DYRK1A: variants seen among roughly 807,000 people sequenced by gnomAD.
The protein encoded by DYRK1A is dual specificity tyrosine phosphorylation regulated kinase 1A.
DYRK1A carries 9 observed loss-of-function variants against 79.7 expected under a neutral mutation model. The observed-to-expected ratio is 0.11, with a 90% CI of 0.07 to 0.20. The LOEUF (loss-of-function observed/expected upper bound fraction) is 0.20, where lower values mean the gene tolerates loss of function less well. Ranked by LOEUF, DYRK1A falls within the 10% of genes least tolerant of loss-of-function variation. The pLI is 1.00. For missense variants in DYRK1A, 622 were observed against 956.0 expected (o/e 0.65, Z 4.61); for synonymous variants, 349 against 329.7 (o/e 1.06, Z -0.63).
intron 5 of DYRK1A, among the ~76,000 whole-genome samples, chr21:37,485,018 G>A (rs1011327364): frequency 4.6e-5 from 7 of 152,030 alleles, no homozygotes; most frequent in African/African-American, 1.7e-4. Context: ...CTCCATTTCC[G>A]TAGCCAATAC....
chr21:37,387,720 TC>T (rs1233177256), intron 1 of DYRK1A, among the ~76,000 whole-genome samples: 1 of 152,302 alleles, frequency 6.6e-6, no homozygotes, highest in Admixed American at 6.5e-5. Context: ...TTTCAATACT[TC>T]CTGAGAAAAG....
At chr21:37,376,455 G>GC (rs1183315424) in intron 1 of DYRK1A, among the ~76,000 whole-genome samples, 1 of 152,158 alleles carries the variant, frequency 6.6e-6, no homozygotes, top group African/African-American at 2.4e-5. Flanking sequence ...GTTGCAGTGG[G>GC]CTGAGATCGT....
At chr21:37,469,990 A>G (rs748570164) in intron 2 of DYRK1A, among the ~76,000 whole-genome samples, 6 of 152,124 alleles carry the variant, frequency 3.9e-5, no homozygotes, top group Admixed American at 1.3e-4. Flanking sequence ...CTAAAAATAC[A>G]AAAAATTAGC....
At chr21:37,403,452 T>C (rs1347289684) in intron 1 of DYRK1A, among the ~76,000 whole-genome samples, 1 of 151,950 alleles carries the variant, frequency 6.6e-6, no homozygotes, top group Non-Finnish European at 1.5e-5. Context: ...TATTTTTGTA[T>C]TAAAAAACAA....
In DYRK1A at chr21:37,519,736, G is replaced by GTGT. The variant is rs1329924530; in HGVS notation, c.*7206_*7207insGTT. The GTGT allele has an allele frequency of 1.2e-5, 1 of 85,802 alleles. No individual in the cohort carries two copies. Among genetic ancestry groups the GTGT allele is most frequent in the African/African-American group, 4.9e-5 (1 of 20,580 alleles). The allele number at this position is 85,802 out of a possible 1,614,324, so 5.3% of individuals were successfully genotyped here. The stretch of plus-strand genomic sequence containing the variant: ...AGAGTTTTGAGGTTTGTTGTGGGAA[G>GTGT]TTTTTTTTTTTTTTTTTTTTTTTGA... On this transcript the variant is annotated 3_prime_UTR_variant, in exon 12 of 12. Coordinates refer to ENST00000647188, the MANE Select transcript of DYRK1A (RefSeq NM_001347721.2).
chr21:37,440,639 G>A (rs1273581167), intron 2 of DYRK1A, among the ~76,000 whole-genome samples: 1 of 151,772 alleles, frequency 6.6e-6, no homozygotes, highest in East Asian at 1.9e-4. Context: ...CTTGAGTTGT[G>A]GTTATTTAGG....
chr21:37,500,317 C>T (rs950396132), intron 9 of DYRK1A, among the ~76,000 whole-genome samples: 5 of 152,180 alleles, frequency 3.3e-5, no homozygotes, highest in Admixed American at 3.3e-4. Context: ...CCTGTGATAA[C>T]CTACACTTGG....
intron 2 of DYRK1A, 122 bp from the exon 3 acceptor site, chr21:37,472,562 T>C: frequency 1.4e-6 from 1 of 702,726 alleles, no homozygotes; most frequent in African/African-American, 1.8e-5. Context: ...CTGTTTGTAG[T>C]TAGAAAAGTT....
At chr21:37,498,632 A>G (rs929894641) in intron 9 of DYRK1A, among the ~76,000 whole-genome samples, 5 of 152,172 alleles carry the variant, frequency 3.3e-5, no homozygotes, top group Admixed American at 2.6e-4. Context: ...TGGGACTATT[A>G]TGAATAAGGC....
chr21:37,512,130 A>G lies in DYRK1A; in HGVS notation c.1864A>G (p.Arg622Gly). Residue 622 changes from arginine (R) to glycine (G), a missense_variant, in exon 12 of 12, where the codon AGG (arginine) becomes GGG (glycine). Transcript: ENST00000647188. ...QQALGNRTRP[R>G]VYNSPTNSSS... ...AGCCTTGGGTAACCGGACCAGGCCA[A>G]GGGTCTACAATTCTCCAACGAATAG... 6.2e-7 allele frequency: 1 copy of G among 1,614,172 alleles called. No individual in the cohort carries two copies. Among genetic ancestry groups the G allele is most frequent in the East Asian group, 2.2e-5 (1 of 44,880 alleles).
intron 1 of DYRK1A, among the ~76,000 whole-genome samples, chr21:37,392,093 A>G (rs2049881413): frequency 8.3e-6 from 1 of 121,082 alleles, no homozygotes; most frequent in African/African-American, 2.6e-5. Flanking sequence ...TTAACACTGA[A>G]TTTAACAAAT....
At chr21:37,450,787 A>G (rs1298365823) in intron 2 of DYRK1A, among the ~76,000 whole-genome samples, 1 of 152,154 alleles carries the variant, frequency 6.6e-6, no homozygotes, top group Admixed American at 6.5e-5. Flanking sequence ...TTATGAGAAT[A>G]CAAAAATAAA....
rs190211205 is a variant in DYRK1A, at chr21:37,430,230, C to T, written c.10+9846C>T. 549 of 919,062 alleles carry T rather than the reference C, an allele frequency of 6.0e-4. 2 individuals are homozygous for T. Among genetic ancestry groups the T allele is most frequent in the Non-Finnish European group, 5.5e-4 (423 of 769,678 alleles). 56.9% of individuals were successfully genotyped at this position (919,062 alleles called of 1,614,324 possible). ...TATATAGGTATGTTCACTTACACAT[C>T]TTTCTTTCACTTAATTGAATCCTTT... On this transcript the variant is annotated intron_variant, in intron 2 of 11. Transcript: ENST00000647188.
intron 1 of DYRK1A, among the ~76,000 whole-genome samples, chr21:37,413,806 A>G (rs2050285907): frequency 6.6e-6 from 1 of 152,106 alleles, no homozygotes; most frequent in Admixed American, 6.6e-5. Context: ...GGTGACATAA[A>G]AGAACATCCT....
chr21:37,390,179 A>G (rs1173019294), intron 1 of DYRK1A, among the ~76,000 whole-genome samples: 2 of 152,114 alleles, frequency 1.3e-5, no homozygotes, highest in Non-Finnish European at 2.9e-5. Flanking sequence ...ACTGGTCCCC[A>G]GAGAATATGT....
Position 37,521,071 on chromosome 21 carries a change from T to C in DYRK1A, c.*8540T>C, listed in dbSNP as rs1348725868. On this transcript the variant is annotated 3_prime_UTR_variant, in exon 12 of 12. Coordinates refer to ENST00000647188, the MANE Select transcript of DYRK1A (RefSeq NM_001347721.2). ...ATGTAATGACAGCTACTTAACATCT[T>C]CTGTAGTCTTGAAGAATTCAGATGA... 2 of 152,236 alleles carry C rather than the reference T, an allele frequency of 1.3e-5. No individual in the cohort carries two copies. The highest frequency in any genetic ancestry group is 2.9e-5 in the Non-Finnish European group (2 of 68,066). The allele number at this position is 152,236 out of a possible 1,614,324, so 9.4% of individuals were successfully genotyped here.
chr21:37,368,507 TC>T (rs1183874370), intron 1 of DYRK1A, among the ~76,000 whole-genome samples: 1 of 152,160 alleles, frequency 6.6e-6, no homozygotes, highest in Non-Finnish European at 1.5e-5. Flanking sequence ...GTGACACGAA[TC>T]CCATAATCTG....
chr21:37,466,499 C>T lies in DYRK1A; in HGVS notation c.11-6185C>T, dbSNP rs539226942. ...TGTTCATTTATAGATACAGCTCAAC[C>T]ACATACTCTTTACAAGAGATAAACC... On this transcript the variant is annotated intron_variant, in intron 2 of 11. Transcript: ENST00000647188. Among the ~76,000 whole-genome samples the T allele has an allele frequency of 5.9e-5, 9 of 152,180 alleles. No individual in the cohort carries two copies. In the South Asian group the frequency reaches 1.9e-3, roughly 32 times the overall value.
intron 6 of DYRK1A, chr21:37,487,779 A>G (rs2052925205): frequency 6.6e-6 from 1 of 152,156 alleles, no homozygotes; most frequent in Non-Finnish European, 1.5e-5. Context: ...ATGAGTTTCT[A>G]TTAATTTTTC....
Sources: gnomAD v4.1 joint callset for allele counts (sites outside exome capture counted in the v4.1 genomes callset) on GRCh38, gnomAD v4.1.1 for gene constraint, MANE v1.5 for transcripts, NCBI Gene and HGNC (gene_info 2026-07-23, HGNC 2026-07-21) for gene names.